ERCC1: variants seen among roughly 807,000 people sequenced by gnomAD.
ERCC1 encodes the protein ERCC excision repair 1, endonuclease non-catalytic subunit.
ERCC1 carries 36 observed loss-of-function variants against 37.6 expected under a neutral mutation model. That is an observed-to-expected ratio of 0.96 (90% CI 0.73 to 1.26). The LOEUF (loss-of-function observed/expected upper bound fraction) is 1.26. Among genes scored for constraint, ERCC1 ranks in the 50% most tolerant of loss-of-function variants. The pLI, the probability that ERCC1 is intolerant of heterozygous loss-of-function variation, is 0.00. For synonymous variants in ERCC1, 156 were observed against 162.1 expected (o/e 0.96, Z 0.28); for missense variants, 349 against 376.5 (o/e 0.93, Z 0.60).
intron 1 of ERCC1, among the ~76,000 whole-genome samples, chr19:45,435,581 G>A (rs893821944): frequency 3.3e-5 from 5 of 152,124 alleles, no homozygotes; most frequent in African/African-American, 1.2e-4. Flanking sequence ...TCCTACCTCA[G>A]CCTCACAAGT....
upstream of ERCC1, among the ~76,000 whole-genome samples, chr19:45,425,854 T>C (rs1974676543): frequency 6.6e-6 from 1 of 152,236 alleles, no homozygotes; most frequent in African/African-American, 2.4e-5. Flanking sequence ...TTTTTATTTA[T>C]TCTTGCCTGC....
Position 45,420,264 on chromosome 19 carries a change from G to A in ERCC1, c.425+60C>T. The A allele has an allele frequency of 9.2e-7, 1 of 1,085,316 alleles. No individual in the cohort carries two copies. Among genetic ancestry groups the A allele is most frequent in the Non-Finnish European group, 1.4e-6 (1 of 717,248 alleles). The allele number at this position is 1,085,316 out of a possible 1,614,324, so 67.2% of individuals were successfully genotyped here. A position where few individuals can be genotyped will look rare whatever the true frequency, so the allele number is the denominator to read the frequency against. On this transcript the variant is annotated intron_variant, in intron 4 of 9. Coordinates refer to ENST00000300853, the MANE Select transcript of ERCC1 (RefSeq NM_001983.4). The surrounding 1 kb of genome is among the most constrained non-coding windows in gnomAD (Gnocchi z 4.8). ...AGAACAGTCCAGAACACTGGGACATGACCCTCCCAGGCCAGTGGGGTGCCC... is the reference window on the plus strand; with the variant it reads ...AGAACAGTCCAGAACACTGGGACATAACCCTCCCAGGCCAGTGGGGTGCCC...
At chr19:45,415,584 C>T (rs1355548969) in intron 6 of ERCC1, among the ~76,000 whole-genome samples, 7 of 139,454 alleles carry the variant, frequency 5.0e-5, no homozygotes, top group South Asian at 4.5e-4. Flanking sequence ...TGCAATGAGC[C>T]GAGATCACGC....
chr19:45,425,589 C>G (rs1272955322), upstream of ERCC1, among the ~76,000 whole-genome samples: 1 of 151,824 alleles, frequency 6.6e-6, no homozygotes, highest in Non-Finnish European at 1.5e-5. Context: ...CTGCTGGTCT[C>G]GAACTCTTGA....
chr19:45,429,679 T>C (rs1330249319), intron 1 of ERCC1, among the ~76,000 whole-genome samples: 1 of 152,200 alleles, frequency 6.6e-6, no homozygotes, highest in Admixed American at 6.5e-5. Context: ...CACGATTTCT[T>C]GCATACTGTT....
intron 9 of ERCC1, among the ~76,000 whole-genome samples, chr19:45,412,279 C>T (rs1420570136): frequency 6.6e-6 from 1 of 152,092 alleles, no homozygotes; most frequent in African/African-American, 2.4e-5. Context: ...CTGCCTCAGC[C>T]ACTCAAGTAG....
intron 1 of ERCC1, among the ~76,000 whole-genome samples, chr19:45,445,765 CTAAG>C (rs565832166): frequency 5.6e-4 from 85 of 152,258 alleles, no homozygotes; most frequent in African/African-American, 1.7e-3. Context: ...GTCAGAGAGA[CTAAG>C]GGCTGATCCC....
At chr19:45,447,270 CTTTTTTTT>C (rs57063523) in intron 1 of ERCC1, among the ~76,000 whole-genome samples, 2 of 102,740 alleles carry the variant, frequency 1.9e-5, no homozygotes, top group South Asian at 6.6e-4. Context: ...AGATTTGCTT[CTTTTTTTT>C]TTTTTTTTTT....
In ERCC1 at chr19:45,421,402, A is replaced by T. The variant is rs1331793395; in HGVS notation, c.106-9T>A. On this transcript the variant is annotated splice_polypyrimidine_tract_variant and intron_variant, in intron 2 of 9. Transcript: ENST00000300853. The stretch of plus-strand genomic sequence containing the variant: ...CGGAATAAGGGCTTGGCCTGTGGGG[A>T]GAAAGGGAGTTTGCAGGGGACTGGT... 2.1e-5 allele frequency: 33 copies of T among 1,592,996 alleles called. No individual in the cohort carries two copies. Among genetic ancestry groups the T allele is most frequent in the Non-Finnish European group, 2.7e-5 (32 of 1,165,632 alleles).
upstream of ERCC1, among the ~76,000 whole-genome samples, chr19:45,428,759 C>A (rs1180183744): frequency 6.6e-6 from 1 of 152,002 alleles, no homozygotes; most frequent in Non-Finnish European, 1.5e-5. Flanking sequence ...CGCCGGGGGG[C>A]GCAGTGACCA....
chr19:45,420,303 G>A lies in ERCC1; in HGVS notation c.425+21C>T. Reference sequence around the variant, plus strand: ...AGTGGGGTGCCCTTCCTGAAGTCTGGGGTGGCGCCGCAGAGCTCACCTGAG... The same window carrying A: ...AGTGGGGTGCCCTTCCTGAAGTCTGAGGTGGCGCCGCAGAGCTCACCTGAG... On this transcript the variant is annotated intron_variant, in intron 4 of 9. Coordinates refer to ENST00000300853, the MANE Select transcript of ERCC1 (RefSeq NM_001983.4). The surrounding 1 kb of genome is among the most constrained non-coding windows in gnomAD (Gnocchi z 4.8). The A allele has an allele frequency of 6.5e-7, 1 of 1,539,154 alleles. No homozygotes were observed. Among genetic ancestry groups the A allele is most frequent in the South Asian group, 1.1e-5 (1 of 88,102 alleles).
intron 4 of ERCC1, 142 bp from the exon 5 acceptor site, chr19:45,419,339 C>T (rs1974261388): frequency 1.5e-6 from 1 of 683,338 alleles, no homozygotes. Flanking sequence ...GGGTAAGTCA[C>T]TTGCCCCAGG....
At chr19:45,429,349 A>AC (rs1479752130) in intron 1 of ERCC1, 1 of 152,342 alleles carries the variant, frequency 6.6e-6, no homozygotes, top group Non-Finnish European at 1.5e-5. Context: ...AATCCCAGCT[A>AC]CTCGGGAGGC....
intron 1 of ERCC1, among the ~76,000 whole-genome samples, chr19:45,436,360 C>T (rs1161904732): frequency 5.3e-5 from 8 of 151,978 alleles, no homozygotes; most frequent in Non-Finnish European, 1.2e-4. Flanking sequence ...GGCGCCGTGG[C>T]TCACGCCTGT....
chr19:45,412,882 G>C (rs924733956), intron 9 of ERCC1, among the ~76,000 whole-genome samples: 1 of 152,046 alleles, frequency 6.6e-6, no homozygotes, highest in African/African-American at 2.4e-5. Context: ...TGGGATTACA[G>C]GCATGTGCCA....
At chr19:45,427,445 C>T (rs1037878621), upstream of ERCC1, among the ~76,000 whole-genome samples, 1 of 146,110 alleles carries the variant, frequency 6.8e-6, no homozygotes, top group African/African-American at 2.8e-5. Context: ...CTTGTCTCTA[C>T]TAAAAAATAC....
In ERCC1 at chr19:45,409,129, G is replaced by C. The variant is rs772941647; in HGVS notation, c.*546C>G. On this transcript the variant is annotated 3_prime_UTR_variant, in exon 10 of 10. Coordinates refer to ENST00000300853, the MANE Select transcript of ERCC1 (RefSeq NM_001983.4). ...CTCTGGCAGCTCCCAAAAAGAAGAC[G>C]AAGAAAGAAAAACAGCAAGATGCCA... The C allele has an allele frequency of 6.2e-7, 1 of 1,613,162 alleles. No homozygotes were observed. Among genetic ancestry groups the C allele is most frequent in the African/African-American group, 1.3e-5 (1 of 74,980 alleles).
upstream of ERCC1, among the ~76,000 whole-genome samples, chr19:45,425,882 CTGTT>C (rs909082979): frequency 1.3e-5 from 2 of 152,144 alleles, no homozygotes; most frequent in African/African-American, 4.8e-5. Context: ...TGACATCCCT[CTGTT>C]TCTTTGTTCA....
upstream of ERCC1, among the ~76,000 whole-genome samples, chr19:45,424,934 T>C (rs1352349504): frequency 1.3e-5 from 2 of 150,470 alleles, no homozygotes; most frequent in Non-Finnish European, 3.0e-5. Flanking sequence ...TTTTTTTTTT[T>C]TTTTCGAGAC....
Sources: allele counts gnomAD v4.1 joint callset (sites outside exome capture counted in the v4.1 genomes callset), GRCh38; gene constraint gnomAD v4.1.1; non-coding constraint Gnocchi (gnomAD v3.1); transcripts MANE v1.5; gene names NCBI Gene and HGNC (gene_info 2026-07-23, HGNC 2026-07-21).